C12orf56: variants seen among roughly 807,000 people sequenced by gnomAD.
C12orf56 encodes uncharacterized protein C12orf56.
C12orf56 carries 71 observed loss-of-function variants against 69.9 expected under a neutral mutation model. That is an observed-to-expected ratio of 1.02 (90% CI 0.84 to 1.24). The LOEUF (loss-of-function observed/expected upper bound fraction) is 1.24. Ranked by LOEUF, C12orf56 falls within the 50% of genes most tolerant of loss-of-function variation. C12orf56 has a pLI of 0.00. For synonymous variants in C12orf56, 276 were observed against 274.1 expected (o/e 1.01, Z -0.07); for missense variants, 732 against 738.5 (o/e 0.99, Z 0.10).
In C12orf56 at chr12:64,390,691, G is replaced by C. The variant is rs1291089302; in HGVS notation, c.-126C>G. 2 of 1,310,574 alleles carry C rather than the reference G, an allele frequency of 1.5e-6. No individual in the cohort carries two copies. Among genetic ancestry groups the C allele is most frequent in the Non-Finnish European group, 2.0e-6 (2 of 1,018,252 alleles). The allele number at this position is 1,310,574 out of a possible 1,614,324, so 81.2% of individuals were successfully genotyped here. ...CACGCGTCGCCTCCTCTCCAGGCGCGGGGACCCGGGCCGCAACTGCAGGAA... is the reference window on the plus strand; with the variant it reads ...CACGCGTCGCCTCCTCTCCAGGCGCCGGGACCCGGGCCGCAACTGCAGGAA... On this transcript the variant is annotated 5_prime_UTR_variant, in exon 1 of 13. Coordinates refer to ENST00000543942, the MANE Select transcript of C12orf56 (RefSeq NM_001170633.2).
intron 3 of C12orf56, among the ~76,000 whole-genome samples, 194 bp from the exon 4 acceptor site, chr12:64,319,174 C>T (rs145954464): frequency 3.2e-4 from 49 of 152,260 alleles, no homozygotes; most frequent in Non-Finnish European, 5.3e-4. Flanking sequence ...TTTTAGTATA[C>T]GTTTCTGTTT....
rs1170838416 is a variant in C12orf56 at position 64,267,230 on chromosome 12, G to A, written c.1822C>T (p.Gln608Ter). 1 of 1,612,530 alleles carries A rather than the reference G, an allele frequency of 6.2e-7. No individual in the cohort carries two copies. The highest frequency in any genetic ancestry group is 8.5e-7 in the Non-Finnish European group (1 of 1,179,392). Residue 608 changes from glutamine (Q) to a stop codon, truncating the protein, a stop_gained, in exon 13 of 13, where the codon CAA becomes TAA. Transcript: ENST00000543942. LOFTEE classifies it high-confidence loss of function. ...KRLPLCYPIT[Q>*]PTIQLFHEVL... The stretch of plus-strand genomic sequence containing the variant: ...TCATGAAAAAGTTGAATGGTAGGTT[G>A]AGTGATGGGGTAACACAATGGGAGC...
intron 8 of C12orf56, among the ~76,000 whole-genome samples, chr12:64,279,213 C>T (rs2038093153): frequency 6.6e-6 from 1 of 152,206 alleles, no homozygotes; most frequent in South Asian, 2.1e-4. Flanking sequence ...AGCCTCCACA[C>T]CCAACTCCAC....
intron 2 of C12orf56, among the ~76,000 whole-genome samples, chr12:64,344,498 A>G (rs2039115176): frequency 6.6e-6 from 1 of 152,156 alleles, no homozygotes; most frequent in African/African-American, 2.4e-5. Context: ...GACTATTCTG[A>G]TTGTTTTGCC....
intron 6 of C12orf56, among the ~76,000 whole-genome samples, chr12:64,296,076 C>T (rs908080207): frequency 4.6e-5 from 7 of 152,084 alleles, no homozygotes; most frequent in Non-Finnish European, 4.4e-5. Flanking sequence ...GGTTCTGTCT[C>T]TCTGGAGAAT....
At chr12:64,270,846 T>C (rs1031169557) in intron 11 of C12orf56, 132 bp from the exon 12 acceptor site, 2 of 720,266 alleles carry the variant, frequency 2.8e-6, no homozygotes, top group Admixed American at 3.1e-5. Flanking sequence ...ATGTTCCTTA[T>C]TGAAATGGTA....
intron 1 of C12orf56, among the ~76,000 whole-genome samples, chr12:64,359,131 A>T (rs976962305): frequency 1.3e-5 from 2 of 152,224 alleles, no homozygotes; most frequent in African/African-American, 2.4e-5. Context: ...TAAAACCCTC[A>T]TGCGAAAGAT....
At chr12:64,386,095 C>T (rs61931544) in intron 1 of C12orf56, among the ~76,000 whole-genome samples, 13,078 of 152,228 alleles carry the variant, frequency 0.086, 783 homozygotes, top group Middle Eastern at 0.21. Context: ...CCCCTACATT[C>T]CTTGGCTAAG....
chr12:64,318,100 G>A (rs7133521), intron 4 of C12orf56, among the ~76,000 whole-genome samples: 62,565 of 151,642 alleles, frequency 0.41, 12,977 homozygotes, highest in African/African-American at 0.42. Context: ...TTCCTCTGTC[G>A]CCCTGGAGTG....
intron 2 of C12orf56, among the ~76,000 whole-genome samples, chr12:64,336,906 G>A (rs2039004111): frequency 6.6e-6 from 1 of 152,118 alleles, no homozygotes; most frequent in African/African-American, 2.4e-5. Context: ...CCCCAGCTGT[G>A]TACCCTGCCC....
Position 64,331,036 on chromosome 12 carries a change from A to T in C12orf56, c.416-4T>A, listed in dbSNP as rs1297100427. 3.4e-6 allele frequency: 4 copies of T among 1,176,610 alleles called. No homozygotes were observed. Among genetic ancestry groups the T allele is most frequent in the Admixed American group, 6.4e-5 (2 of 31,296 alleles). 72.9% of individuals were successfully genotyped at this position (1,176,610 alleles called of 1,614,324 possible). A position where few individuals can be genotyped will look rare whatever the true frequency, so the allele number is the denominator to read the frequency against. ...AGGCCGTTCTTTTCTTCCTTGACTT[A>T]AAAAAAAAATAGTTATTTGGTCATT... On this transcript the variant is annotated splice_region_variant and splice_polypyrimidine_tract_variant and intron_variant, in intron 2 of 12. Transcript: ENST00000543942.
intron 3 of C12orf56, among the ~76,000 whole-genome samples, chr12:64,327,127 C>T (rs576369622): frequency 3.9e-5 from 6 of 152,322 alleles, no homozygotes; most frequent in African/African-American, 7.2e-5. Context: ...CCAGCAAGAA[C>T]GCTCTCAGCA....
chr12:64,390,426 T>C lies in C12orf56; in HGVS notation c.140A>G (p.Asn47Ser). The stretch of plus-strand genomic sequence containing the variant: ...TAGCACCACATACTTGAGGATGTGG[T>C]TCTCAGAGTTGGACACCACGATGCA... Reference protein sequence around the residue: ...EPCIVVSNSENHILKYVVLSD... With the variant: ...EPCIVVSNSESHILKYVVLSD... Residue 47 changes from asparagine to serine, a missense_variant, in exon 1 of 13, where the codon AAC becomes AGC. Physicochemically the swap from Asn to Ser is conservative, Grantham distance 46. Transcript: ENST00000543942. The C allele has an allele frequency of 6.2e-7, 1 of 1,612,598 alleles. No individual in the cohort carries two copies. The highest frequency in any genetic ancestry group is 8.5e-7 in the Non-Finnish European group (1 of 1,179,714).
intron 1 of C12orf56, among the ~76,000 whole-genome samples, chr12:64,359,726 T>A (rs987207189): frequency 5.9e-5 from 9 of 152,226 alleles, no homozygotes; most frequent in African/African-American, 1.2e-4. Flanking sequence ...TATTATTATT[T>A]TTTTAAAGAC....
At chr12:64,366,021 C>T (rs1164000403) in intron 1 of C12orf56, among the ~76,000 whole-genome samples, 1 of 117,538 alleles carries the variant, frequency 8.5e-6, no homozygotes, top group East Asian at 2.4e-4. Context: ...TAATATATAG[C>T]TTGTATAATA....
chr12:64,328,451 C>A (rs1034850654), intron 3 of C12orf56, among the ~76,000 whole-genome samples: 6 of 151,702 alleles, frequency 4.0e-5, no homozygotes, highest in African/African-American at 1.5e-4. Flanking sequence ...GAGGCCGAGG[C>A]AGACAAATCA....
At chr12:64,379,999 G>GGAGGCT (rs1361965516) in intron 1 of C12orf56, among the ~76,000 whole-genome samples, 11 of 149,148 alleles carry the variant, frequency 7.4e-5, no homozygotes, top group Non-Finnish European at 1.5e-4. Context: ...CAGCTACTCC[G>GGAGGCT]GAGGCTGAGG....
At chr12:64,366,214 C>A (rs148750992) in intron 1 of C12orf56, among the ~76,000 whole-genome samples, 2 of 28,580 alleles carry the variant, frequency 7.0e-5, no homozygotes, top group Non-Finnish European at 8.8e-5. Context: ...GTATAATATA[C>A]AGTTTATATA....
chr12:64,378,495 A>C lies in C12orf56; in HGVS notation c.252+11819T>G, dbSNP rs894561881. Among the ~76,000 whole-genome samples the C allele has an allele frequency of 2.0e-5, 3 of 151,758 alleles. No individual in the cohort carries two copies. In the East Asian group the frequency reaches 5.9e-4, roughly 30 times the overall value. On this transcript the variant is annotated intron_variant, in intron 1 of 12. Transcript: ENST00000543942. Reference sequence around the variant, plus strand: ...GTCTCCCAAGCTGGAGTACAGTGGCACAATCTCAGCTCACTGCAACCTCTG... The same window carrying C: ...GTCTCCCAAGCTGGAGTACAGTGGCCCAATCTCAGCTCACTGCAACCTCTG...
Sources: allele counts gnomAD v4.1 joint callset (sites outside exome capture counted in the v4.1 genomes callset), GRCh38; gene constraint gnomAD v4.1.1; transcripts MANE v1.5; gene names NCBI Gene and HGNC (gene_info 2026-07-23, HGNC 2026-07-21).